Variants in PLCL1 observed in about 807,000 individuals in gnomAD.
PLCL1 encodes inactive phospholipase C-like protein 1.
PLCL1 carries 41 observed loss-of-function variants against 84.4 expected under a neutral mutation model. The ratio of observed to expected loss-of-function variants is 0.49; its 90% confidence interval spans 0.38 to 0.63. The LOEUF is 0.63. Ranked by LOEUF, PLCL1 falls within the 30% of genes least tolerant of loss-of-function variation. The pLI, the probability that PLCL1 is intolerant of heterozygous loss-of-function variation, is 0.00. For missense variants in PLCL1, 1,206 were observed against 1,367.8 expected (o/e 0.88, Z 1.87); for synonymous variants, 490 against 488.3 (o/e 1.00, Z -0.05).
chr2:198,025,005 A>G (rs981914280), intron 1 of PLCL1, among the ~76,000 whole-genome samples: 2 of 151,918 alleles, frequency 1.3e-5, no homozygotes, highest in African/African-American at 4.8e-5. Context: ...TTGAAATTTG[A>G]TCTTTGAAAA....
chr2:197,878,012 G>T (rs1403496290), intron 1 of PLCL1, among the ~76,000 whole-genome samples: 1 of 152,116 alleles, frequency 6.6e-6, no homozygotes, highest in African/African-American at 2.4e-5. Context: ...TGGGTAAATA[G>T]TTGGGAAATA....
At chr2:198,121,966 G>A (rs894897711) in intron 5 of PLCL1, among the ~76,000 whole-genome samples, 1 of 151,992 alleles carries the variant, frequency 6.6e-6, no homozygotes, top group Non-Finnish European at 1.5e-5. Context: ...TTCTAGATCA[G>A]TGCTTCAGCT....
chr2:198,122,595 T>G (rs946386744), intron 5 of PLCL1, among the ~76,000 whole-genome samples: 3 of 152,108 alleles, frequency 2.0e-5, no homozygotes, highest in Admixed American at 2.0e-4. Flanking sequence ...CCTCTCATCT[T>G]GAGATCATCA....
intron 1 of PLCL1, among the ~76,000 whole-genome samples, chr2:197,930,208 C>G (rs1046739523): frequency 4.6e-5 from 7 of 152,164 alleles, no homozygotes; most frequent in African/African-American, 1.7e-4. Context: ...ATAAGACTTA[C>G]CACATATCCC....
chr2:197,912,800 G>A (rs1260857863), intron 1 of PLCL1, among the ~76,000 whole-genome samples: 2 of 13,516 alleles, frequency 1.5e-4, no homozygotes, highest in Non-Finnish European at 2.3e-4. Context: ...GTGGTGGGGT[G>A]GGGGGTGGGG....
At chr2:197,956,527 A>T (rs1266018211) in intron 1 of PLCL1, among the ~76,000 whole-genome samples, 3 of 152,206 alleles carry the variant, frequency 2.0e-5, no homozygotes, top group African/African-American at 7.2e-5. Context: ...ACTAATTTAC[A>T]TTCCTACCAA....
At chr2:197,910,107 G>T (rs1047350431) in intron 1 of PLCL1, among the ~76,000 whole-genome samples, 3 of 152,178 alleles carry the variant, frequency 2.0e-5, no homozygotes, top group African/African-American at 7.2e-5. Flanking sequence ...TTTAGGTGAG[G>T]ATTAAATGAG....
At chr2:197,971,695 A>T (rs1197785367) in intron 1 of PLCL1, among the ~76,000 whole-genome samples, 1 of 152,148 alleles carries the variant, frequency 6.6e-6, no homozygotes, top group African/African-American at 2.4e-5. Flanking sequence ...TGGTTACCAA[A>T]CTGTAGTGAT....
At chr2:198,112,476 T>G (rs1166016902) in intron 5 of PLCL1, among the ~76,000 whole-genome samples, 1 of 151,854 alleles carries the variant, frequency 6.6e-6, no homozygotes, top group African/African-American at 2.4e-5. Context: ...GAGCCATGCC[T>G]CTAGCAAAAA....
chr2:197,821,176 T>C, intron 1 of PLCL1, among the ~76,000 whole-genome samples: 1 of 152,292 alleles, frequency 6.6e-6, no homozygotes, highest in East Asian at 1.9e-4. Context: ...AGGAAGTATA[T>C]CACTGGTGGT....
chr2:198,046,941 A>G lies in PLCL1; in HGVS notation c.241-36817A>G, dbSNP rs1691818457. Among the ~76,000 whole-genome samples, 2 of 152,234 alleles carry G rather than the reference A, an allele frequency of 1.3e-5. 1 individual carries two copies. The highest frequency in any genetic ancestry group is 4.8e-5 in the African/African-American group (2 of 41,468). ...TTAATGTGGTCAGAGTCAGAGTTCT[A>G]AAGTTCTCAAAATTGCAATGTTAGC... On this transcript the variant is annotated intron_variant, in intron 1 of 5. Coordinates refer to ENST00000428675, the MANE Select transcript of PLCL1 (RefSeq NM_006226.4).
intron 1 of PLCL1, among the ~76,000 whole-genome samples, chr2:197,987,206 T>C (rs1410848715): frequency 1.3e-5 from 2 of 152,228 alleles, no homozygotes; most frequent in African/African-American, 2.4e-5. Flanking sequence ...TGTTGGACCA[T>C]AAGTCTCATC....
intron 5 of PLCL1, among the ~76,000 whole-genome samples, chr2:198,123,302 G>GTAACATT (rs1693914015): frequency 6.6e-6 from 1 of 152,010 alleles, no homozygotes; most frequent in Non-Finnish European, 1.5e-5. Context: ...AACATTAGGA[G>GTAACATT]GGGTTGACTG....
In PLCL1 at chr2:197,830,392, C is replaced by G. The variant is rs185362912; in HGVS notation, c.240+25053C>G. 4.5e-4 allele frequency among the ~76,000 whole-genome samples: 68 copies of G among 151,340 alleles called. 2 individuals carry two copies. The South Asian group carries it at 0.01, about 22-fold the overall frequency. On this transcript the variant is annotated intron_variant, in intron 1 of 5. Coordinates refer to ENST00000428675, the MANE Select transcript of PLCL1 (RefSeq NM_006226.4). Reference sequence around the variant, plus strand: ...TGAAACATACAAAAGTATCACTAGCCGAATCGATCAAGCAGAAGAAAGGAT... The same window carrying G: ...TGAAACATACAAAAGTATCACTAGCGGAATCGATCAAGCAGAAGAAAGGAT...
intron 1 of PLCL1, among the ~76,000 whole-genome samples, chr2:197,975,801 G>T (rs1007296224): frequency 6.6e-6 from 1 of 152,012 alleles, no homozygotes; most frequent in East Asian, 1.9e-4. Context: ...GTAACACAGC[G>T]AGGCTCTTTT....
At chr2:197,991,861 G>T (rs550511344) in intron 1 of PLCL1, among the ~76,000 whole-genome samples, 4 of 152,224 alleles carry the variant, frequency 2.6e-5, no homozygotes, top group African/African-American at 9.6e-5. Context: ...GGTTGGAGCT[G>T]AAAGCACCCA....
chr2:198,063,518 T>G (rs1692257788), intron 1 of PLCL1, among the ~76,000 whole-genome samples: 1 of 152,188 alleles, frequency 6.6e-6, no homozygotes, highest in African/African-American at 2.4e-5. Flanking sequence ...CATTGATTAA[T>G]TTGAATGCTT....
At chr2:198,141,948 G>T (rs1327271843) in intron 5 of PLCL1, among the ~76,000 whole-genome samples, 2 of 152,142 alleles carry the variant, frequency 1.3e-5, no homozygotes, top group African/African-American at 2.4e-5. Flanking sequence ...AATATTTGTG[G>T]TGTGCTCTGA....
chr2:197,996,188 A>G (rs547662417), intron 1 of PLCL1, among the ~76,000 whole-genome samples: 31 of 152,234 alleles, frequency 2.0e-4, no homozygotes, highest in African/African-American at 7.2e-4. Context: ...AGAGAGATCC[A>G]GGCCAGAAAT....
Sources: gnomAD v4.1 joint callset for allele counts (sites outside exome capture counted in the v4.1 genomes callset) on GRCh38, gnomAD v4.1.1 for gene constraint, MANE v1.5 for transcripts, NCBI Gene and HGNC (gene_info 2026-07-23, HGNC 2026-07-21) for gene names.